Variants in CADPS2 observed in about 807,000 individuals in gnomAD.
The protein encoded by CADPS2 is calcium-dependent secretion activator 2.
CADPS2 carries 93 observed loss-of-function variants against 172.5 expected under a neutral mutation model. The ratio of observed to expected loss-of-function variants is 0.54; its 90% confidence interval spans 0.46 to 0.64. CADPS2 has a LOEUF of 0.64. Among genes scored for constraint, CADPS2 ranks in the 30% least tolerant of loss-of-function variants. The probability of loss-of-function intolerance (pLI) is 0.00; values close to 1 mark genes in which losing one functional copy is unlikely to be tolerated. For synonymous variants in CADPS2, 546 were observed against 555.2 expected, an observed-to-expected ratio of 0.98 and a Z score of 0.23; for missense variants, 1,420 against 1,565.9, an observed-to-expected ratio of 0.91 and a Z score of 1.57.
At chr7:122,573,549 C>CA (rs2067556443) in intron 7 of CADPS2, among the ~76,000 whole-genome samples, 1 of 151,906 alleles carries the variant, frequency 6.6e-6, no homozygotes, top group East Asian at 1.9e-4. Flanking sequence ...CAAAAACAAA[C>CA]AAAAAACCCT....
At chr7:122,719,342 C>T (rs1381439110) in intron 2 of CADPS2, among the ~76,000 whole-genome samples, 1 of 152,132 alleles carries the variant, frequency 6.6e-6, no homozygotes, top group South Asian at 2.1e-4. Context: ...TTCCTCCCTG[C>T]TCTGAACTTG....
intron 10 of CADPS2, among the ~76,000 whole-genome samples, chr7:122,490,920 G>C (rs13222975): frequency 0.056 from 8,469 of 152,122 alleles, 309 homozygotes; most frequent in African/African-American, 0.064. Flanking sequence ...AAGGGAGAGA[G>C]AGAAGTACAA....
intron 7 of CADPS2, among the ~76,000 whole-genome samples, chr7:122,564,206 C>T (rs1587349266): frequency 6.6e-6 from 1 of 152,234 alleles, no homozygotes; most frequent in East Asian, 1.9e-4. Flanking sequence ...ACCAAAATAA[C>T]ACTAATGAAA....
At chr7:122,720,437 T>C (rs2090225593) in intron 2 of CADPS2, among the ~76,000 whole-genome samples, 2 of 151,110 alleles carry the variant, frequency 1.3e-5, no homozygotes, top group South Asian at 4.2e-4. Context: ...TATATACATA[T>C]ATATGTATAC....
rs533242091 is a variant in CADPS2, at chr7:122,564,040, C to A, written c.1336-9351G>T. 2.1e-3 allele frequency among the ~76,000 whole-genome samples: 326 copies of A among 152,082 alleles called. 1 individual carries two copies. The South Asian group carries it at 0.023, about 11-fold the overall frequency. On this transcript the variant is annotated intron_variant, in intron 7 of 29. Coordinates refer to ENST00000449022, the MANE Select transcript of CADPS2 (RefSeq NM_017954.11). ...AACCATTAAGTATAATAAAAATATT[C>A]CAAATTCTGAAAAAATAAAAAAACT...
intron 3 of CADPS2, among the ~76,000 whole-genome samples, chr7:122,661,541 T>C (rs2080529701): frequency 6.6e-6 from 1 of 152,096 alleles, no homozygotes; most frequent in Admixed American, 6.5e-5. Context: ...TAAAAAATAA[T>C]CCATAAGCTT....
intron 3 of CADPS2, among the ~76,000 whole-genome samples, chr7:122,645,542 TTATA>T (rs1177936721): frequency 4.9e-5 from 6 of 122,078 alleles, no homozygotes; most frequent in Non-Finnish European, 5.2e-5. Context: ...ATATATATAC[TTATA>T]TATATACTTA....
Position 122,367,707 on chromosome 7 carries a change from CTAATTTT to C in CADPS2, c.3388-6701_3388-6695del, listed in dbSNP as rs1379003842. Reference sequence around the variant, plus strand: ...TATAGGCATGTGCAACCATGCCCAGCTAATTTTTTTTTTTTTTTTTTTTTTTTTTTTG... The same window carrying C: ...TATAGGCATGTGCAACCATGCCCAGCTTTTTTTTTTTTTTTTTTTTTTTTG... On this transcript the variant is annotated intron_variant, in intron 25 of 29. Coordinates refer to ENST00000449022, the MANE Select transcript of CADPS2 (RefSeq NM_017954.11). 2.8e-5 allele frequency among the ~76,000 whole-genome samples: 3 copies of C among 108,454 alleles called. No homozygotes were observed. In the East Asian group the frequency reaches 8.0e-4, roughly 29 times the overall value. The allele number at this position is 108,454 out of a possible 152,430, so 71.2% of individuals were successfully genotyped here.
intron 3 of CADPS2, among the ~76,000 whole-genome samples, chr7:122,658,787 G>C (rs2080144432): frequency 2.0e-5 from 3 of 152,110 alleles, no homozygotes; most frequent in Admixed American, 1.3e-4. Context: ...TAATGTAAAT[G>C]ATGAGTTAAT....
intron 2 of CADPS2, among the ~76,000 whole-genome samples, chr7:122,711,245 G>A (rs1588650652): frequency 6.6e-6 from 1 of 152,104 alleles, no homozygotes; most frequent in Non-Finnish European, 1.5e-5. Flanking sequence ...GGAATAATAT[G>A]CAGCCATAAA....
intron 20 of CADPS2, among the ~76,000 whole-genome samples, chr7:122,403,402 C>G (rs113151680): frequency 6.6e-6 from 1 of 152,146 alleles, no homozygotes; most frequent in African/African-American, 2.4e-5. Flanking sequence ...TGCAAATCAC[C>G]ATAAAATAAA....
intron 8 of CADPS2, among the ~76,000 whole-genome samples, chr7:122,542,123 T>C (rs1003916942): frequency 6.6e-6 from 1 of 151,918 alleles, no homozygotes; most frequent in Non-Finnish European, 1.5e-5. Flanking sequence ...CCTTACAGCA[T>C]CATTTTGAAA....
chr7:122,434,122 T>C (rs1355422626), intron 17 of CADPS2, among the ~76,000 whole-genome samples: 1 of 152,150 alleles, frequency 6.6e-6, no homozygotes, highest in Admixed American at 6.5e-5. Flanking sequence ...GGGGAGAAAA[T>C]GCCTTAAGAG....
At chr7:122,323,014 T>C (rs2032934531) in intron 29 of CADPS2, among the ~76,000 whole-genome samples, 1 of 152,178 alleles carries the variant, frequency 6.6e-6, no homozygotes, top group African/African-American at 2.4e-5. Flanking sequence ...ATTCTCTACA[T>C]GTGTTATTCA....
chr7:122,362,463 G>A (rs377724213), intron 25 of CADPS2, among the ~76,000 whole-genome samples: 30 of 151,580 alleles, frequency 2.0e-4, no homozygotes, highest in African/African-American at 7.1e-4. Flanking sequence ...TCTCAAAAGT[G>A]GTTTACATTT....
chr7:122,735,754 C>G (rs551956148), intron 2 of CADPS2, among the ~76,000 whole-genome samples: 6 of 152,104 alleles, frequency 3.9e-5, no homozygotes, highest in African/African-American at 1.4e-4. Flanking sequence ...AACTTTATAT[C>G]TTTTTATACA....
intron 7 of CADPS2, among the ~76,000 whole-genome samples, chr7:122,574,815 G>C (rs958601196): frequency 2.0e-5 from 3 of 152,030 alleles, no homozygotes; most frequent in African/African-American, 4.8e-5. Flanking sequence ...TGAATCTTTA[G>C]CTAAAACACT....
intron 1 of CADPS2, among the ~76,000 whole-genome samples, chr7:122,755,861 T>C (rs1392111638): frequency 1.3e-5 from 2 of 152,216 alleles, no homozygotes; most frequent in Non-Finnish European, 2.9e-5. Flanking sequence ...AAGTAACACC[T>C]AGTTCTCTTC....
At chr7:122,830,396 T>TA (rs34938284) in intron 1 of CADPS2, among the ~76,000 whole-genome samples, 29,128 of 145,894 alleles carry the variant, frequency 0.2, 2,875 homozygotes, top group Middle Eastern at 0.26. Context: ...CTGACACTGC[T>TA]AAAAAAAAAA....
Sources: gnomAD v4.1 joint callset for allele counts (sites outside exome capture counted in the v4.1 genomes callset) on GRCh38, gnomAD v4.1.1 for gene constraint, MANE v1.5 for transcripts, NCBI Gene and HGNC (gene_info 2026-07-23, HGNC 2026-07-21) for gene names.